Variants in NHSL3 observed in about 807,000 individuals in gnomAD.
NHSL3 encodes NHS like 3.
the NHSL3 span, chr1:32,773,542 C>T: frequency 6.5e-6 from 1 of 153,280 alleles, no homozygotes; most frequent in Non-Finnish European, 1.5e-5. Flanking sequence ...GGGGATTGGC[C>T]TTCCTGTGCC....
the NHSL3 span, among the ~76,000 whole-genome samples, chr1:32,754,981 T>C: frequency 7.1e-6 from 1 of 141,468 alleles, no homozygotes. Flanking sequence ...CCCCTTTCAA[T>C]GCAGCCACCG....
the NHSL3 span, chr1:32,771,586 G>A: frequency 2.7e-5 from 44 of 1,612,598 alleles, 1 homozygote; most frequent in South Asian, 4.7e-4. Context: ...CCCTGAGCCT[G>A]CAGGCCCTTC....
the NHSL3 span, chr1:32,765,814 G>T: frequency 1.3e-4 from 197 of 1,547,242 alleles, 4 homozygotes; most frequent in South Asian, 2.2e-3. Flanking sequence ...TCCTAGGGCT[G>T]TTTAAGAAGA....
the NHSL3 span, chr1:32,770,465 G>A: frequency 6.3e-7 from 1 of 1,598,756 alleles, no homozygotes; most frequent in Non-Finnish European, 8.5e-7. The surrounding 1 kb of genome is among the most constrained non-coding windows in gnomAD (Gnocchi z 8.3). Context: ...GTGTCTGACG[G>A]TTCCACCCTC....
At chr1:32,764,454 A>T in the NHSL3 span, among the ~76,000 whole-genome samples, 1 of 151,778 alleles carries the variant, frequency 6.6e-6, no homozygotes, top group Non-Finnish European at 1.5e-5. Flanking sequence ...GAATGGATAC[A>T]ACCATCTTGT....
the NHSL3 span, among the ~76,000 whole-genome samples, chr1:32,745,576 AAAT>A: frequency 6.6e-6 from 1 of 151,746 alleles, no homozygotes; most frequent in Non-Finnish European, 1.5e-5. Flanking sequence ...AAAAAAAAAA[AAAT>A]GGACAACTCT....
chr1:32,751,344 G>A, the NHSL3 span, among the ~76,000 whole-genome samples: 28 of 152,262 alleles, frequency 1.8e-4, no homozygotes, highest in Non-Finnish European at 3.4e-4. Flanking sequence ...GTATGCAAGC[G>A]TCACCGTTGC....
At chr1:32,759,411 G>T in the NHSL3 span, among the ~76,000 whole-genome samples, 1 of 152,176 alleles carries the variant, frequency 6.6e-6, no homozygotes, top group Admixed American at 6.5e-5. Flanking sequence ...TTAGAATTGC[G>T]CCTTGGCTGA....
chr1:32,770,694 C>T, the NHSL3 span: 8 of 1,539,740 alleles, frequency 5.2e-6, no homozygotes, highest in African/African-American at 9.6e-5. The surrounding 1 kb of genome is among the most constrained non-coding windows in gnomAD (Gnocchi z 8.3). Context: ...GCCGGACCCA[C>T]TCCCTCCATC....
At chr1:32,747,084 G>A in the NHSL3 span, among the ~76,000 whole-genome samples, 1 of 152,128 alleles carries the variant, frequency 6.6e-6, no homozygotes, top group Non-Finnish European at 1.5e-5. Context: ...GAGTTGTGGA[G>A]AGAACCCTGA....
At chr1:32,773,135 C>G in the NHSL3 span, 1 of 562,504 alleles carries the variant, frequency 1.8e-6, no homozygotes, top group Non-Finnish European at 3.2e-6. Flanking sequence ...TTGGCCTTAG[C>G]CTCATCTTGA....
At chr1:32,772,276 G>A in the NHSL3 span, 1 of 1,601,836 alleles carries the variant, frequency 6.2e-7, no homozygotes, top group Non-Finnish European at 8.5e-7. Context: ...GTCTGTGGGA[G>A]TCCCCCCACC....
At chr1:32,750,214 C>T in the NHSL3 span, among the ~76,000 whole-genome samples, 3 of 152,032 alleles carry the variant, frequency 2.0e-5, no homozygotes, top group Non-Finnish European at 4.4e-5. Flanking sequence ...AATCTCTGTC[C>T]GCCTCCCCCA....
chr1:32,773,205 T>C, the NHSL3 span: 1 of 480,712 alleles, frequency 2.1e-6, no homozygotes, highest in South Asian at 2.8e-5. Flanking sequence ...GCTGCAGAGT[T>C]GGGAGCAGGA....
At chr1:32,765,360 C>G in the NHSL3 span, among the ~76,000 whole-genome samples, 1 of 152,224 alleles carries the variant, frequency 6.6e-6, no homozygotes, top group African/African-American at 2.4e-5. Context: ...GGGCACCCTG[C>G]CAAGTCTAGT....
At chr1:32,749,944 C>T in the NHSL3 span, among the ~76,000 whole-genome samples, 1 of 152,192 alleles carries the variant, frequency 6.6e-6, no homozygotes, top group Non-Finnish European at 1.5e-5. Context: ...GAGTGAGAGC[C>T]TCCCCTCAGC....
At chr1:32,771,871 G>T in the NHSL3 span, 2 of 1,595,550 alleles carry the variant, frequency 1.3e-6, no homozygotes, top group South Asian at 2.2e-5. Flanking sequence ...TCCAGGAGGG[G>T]CTCCCACCCC....
chr1:32,751,098 A>G, the NHSL3 span, among the ~76,000 whole-genome samples: 1 of 152,170 alleles, frequency 6.6e-6, no homozygotes, highest in African/African-American at 2.4e-5. Flanking sequence ...GGCATGAGCC[A>G]CCGTGCCTGG....
the NHSL3 span, among the ~76,000 whole-genome samples, chr1:32,752,917 A>ACG: frequency 1.6e-3 from 9 of 5,654 alleles, no homozygotes; most frequent in Non-Finnish European, 4.6e-3. Context: ...ACACACACAC[A>ACG]CACACACACA....
Sources: allele counts gnomAD v4.1 joint callset (sites outside exome capture counted in the v4.1 genomes callset), GRCh38; gene constraint gnomAD v4.1.1; non-coding constraint Gnocchi (gnomAD v3.1); transcripts MANE v1.5; gene names NCBI Gene and HGNC (gene_info 2026-07-23, HGNC 2026-07-21).